Variants in RSL1D1 observed in about 807,000 individuals in gnomAD.
RSL1D1 encodes ribosomal L1 domain containing 1, also known as ribosomal L1 domain-containing protein 1.
RSL1D1 carries 34 observed loss-of-function variants against 44.6 expected under a neutral mutation model. That is an observed-to-expected ratio of 0.76 (90% confidence interval 0.58 to 1.02). RSL1D1 has a LOEUF of 1.02. RSL1D1 is among the 50% of genes least tolerant of loss of function. The pLI is 0.00. For missense variants in RSL1D1, 767 were observed against 568.1 expected, an observed-to-expected ratio of 1.35 and a Z score of -3.56; for synonymous variants, 271 against 207.4, an observed-to-expected ratio of 1.31 and a Z score of -2.63.
rs985144837 is a variant in RSL1D1 at position 11,834,347 on chromosome 16, T to C, written c.*3440A>G. On this transcript the variant is annotated 3_prime_UTR_variant, in exon 9 of 9. Coordinates refer to ENST00000571133, the MANE Select transcript of RSL1D1 (RefSeq NM_015659.3). The stretch of plus-strand genomic sequence containing the variant: ...ATTATAAGATAGGTTTTATGTTAGA[T>C]GATAACACCAGCATCTTGCTCAATA... 6.6e-6 allele frequency: 1 copy of C among 152,224 alleles called. No individual in the cohort carries two copies. Among genetic ancestry groups the C allele is most frequent in the Non-Finnish European group, 1.5e-5 (1 of 68,036 alleles). The allele number at this position is 152,224 out of a possible 1,614,324, so 9.4% of individuals were successfully genotyped here. A position where few individuals can be genotyped will look rare whatever the true frequency, so the allele number is the denominator to read the frequency against.
At chr16:11,850,661 G>A (rs1202449063) in intron 1 of RSL1D1, among the ~76,000 whole-genome samples, 3 of 152,150 alleles carry the variant, frequency 2.0e-5, no homozygotes, top group Non-Finnish European at 4.4e-5. Context: ...ACTGTGTGCA[G>A]AAGGGCACCT....
chr16:11,846,199 T>C (rs1001601081), intron 5 of RSL1D1, among the ~76,000 whole-genome samples: 4 of 151,540 alleles, frequency 2.6e-5, no homozygotes, highest in African/African-American at 9.7e-5. Flanking sequence ...GAGATCATCC[T>C]GGCTAACTCG....
chr16:11,839,334 C>G (rs888120896), intron 8 of RSL1D1, among the ~76,000 whole-genome samples: 1 of 148,258 alleles, frequency 6.7e-6, no homozygotes, highest in Non-Finnish European at 1.5e-5. Context: ...CCACTGCACT[C>G]TAGCCTGGGT....
intron 2 of RSL1D1, among the ~76,000 whole-genome samples, chr16:11,849,745 G>A (rs2053823901): frequency 2.0e-5 from 3 of 152,134 alleles, no homozygotes; most frequent in African/African-American, 7.2e-5. Flanking sequence ...CCACGTTTTC[G>A]ATTCAACAGA....
intron 5 of RSL1D1, among the ~76,000 whole-genome samples, chr16:11,846,229 A>C (rs1164269391): frequency 6.6e-6 from 1 of 151,286 alleles, no homozygotes; most frequent in Non-Finnish European, 1.5e-5. Flanking sequence ...TGTCTCTACT[A>C]AAAATACAAA....
rs2141254464 is a variant in RSL1D1, at chr16:11,846,763, G to C, written c.465C>G (p.Phe155Leu). The change falls in exon 4 of 9, where the codon TTC (phenylalanine) becomes TTG (leucine). Residue 155 changes from phenylalanine to leucine, a missense_variant. By Grantham distance (22) the Phe-to-Leu change is conservative. Transcript: ENST00000571133. ...KLRLLSSFDF[F>L]LTDARIRRLL... ...GCCGCCTAATTCTGGCATCAGTAAGGAAGAAATCAAAACTGCTCAGAAGGC... is the reference window on the plus strand; with the variant it reads ...GCCGCCTAATTCTGGCATCAGTAAGCAAGAAATCAAAACTGCTCAGAAGGC... The C allele has an allele frequency of 6.2e-7, 1 of 1,613,856 alleles. No individual in the cohort carries two copies. The highest frequency in any genetic ancestry group is 8.5e-7 in the Non-Finnish European group (1 of 1,179,828).
rs1371015086 is a variant in RSL1D1 at position 11,836,019 on chromosome 16, A to T, written c.*1768T>A. The T allele has an allele frequency of 1.3e-5, 2 of 152,128 alleles. No homozygotes were observed. The highest frequency in any genetic ancestry group is 4.8e-5 in the African/African-American group (2 of 41,432). The allele number at this position is 152,128 out of a possible 1,614,324, so 9.4% of individuals were successfully genotyped here. A position where few individuals can be genotyped will look rare whatever the true frequency, so the allele number is the denominator to read the frequency against. ...CTTGCTGGCTCCTTGCTCTCCCAGG[A>T]TCGACTGTAACTTGAGTTAAAAGAA... On this transcript the variant is annotated 3_prime_UTR_variant, in exon 9 of 9. Transcript: ENST00000571133.
In RSL1D1 at chr16:11,846,615, C is replaced by A. The variant is rs1480118289; in HGVS notation, c.534-13G>T. The A allele has an allele frequency of 6.2e-7, 1 of 1,606,842 alleles. No homozygotes were observed. The highest frequency in any genetic ancestry group is 2.2e-5 in the East Asian group (1 of 44,854). On this transcript the variant is annotated splice_polypyrimidine_tract_variant and intron_variant, in intron 4 of 8. Coordinates refer to ENST00000571133, the MANE Select transcript of RSL1D1 (RefSeq NM_015659.3). Reference sequence around the variant, plus strand: ...AGATACTGGAACTCTACAAAATAAACACACAGGCATTCAGAACACAATGCA... The same window carrying A: ...AGATACTGGAACTCTACAAAATAAAAACACAGGCATTCAGAACACAATGCA...
intron 6 of RSL1D1, 35 bp downstream of exon 6, chr16:11,841,872 A>G (rs2053765981): frequency 6.2e-7 from 1 of 1,611,648 alleles, no homozygotes; most frequent in African/African-American, 1.3e-5. Context: ...TTTCTTTTAA[A>G]TGAACAATCA....
chr16:11,839,906 G>A lies in RSL1D1; in HGVS notation c.935C>T (p.Thr312Ile). Residue 312 changes from threonine (T) to isoleucine (I), a missense_variant, in exon 8 of 9, where the codon ACT (threonine) becomes ATT (isoleucine). Physicochemically the swap from Thr to Ile is moderately conservative, Grantham distance 89. Coordinates refer to ENST00000571133, the MANE Select transcript of RSL1D1 (RefSeq NM_015659.3). Reference sequence around the variant, plus strand: ...ATCATCTTTACTAAGAACTGATGCAGTCTTCCTAGCCTGCTGCCTCTTCTT... The same window carrying A: ...ATCATCTTTACTAAGAACTGATGCAATCTTCCTAGCCTGCTGCCTCTTCTT... ...RKKKRQQARKTASVLSKDDVA... is the reference protein window; with the variant it reads ...RKKKRQQARKIASVLSKDDVA... 1 of 1,614,096 alleles carries A rather than the reference G, an allele frequency of 6.2e-7. No individual in the cohort carries two copies. The highest frequency in any genetic ancestry group is 8.5e-7 in the Non-Finnish European group (1 of 1,180,034).
rs1166243214 is a variant in RSL1D1, at chr16:11,833,918, C to T, written c.*3869G>A. The T allele has an allele frequency of 6.6e-6, 1 of 152,180 alleles. No homozygotes were observed. The highest frequency in any genetic ancestry group is 2.4e-5 in the African/African-American group (1 of 41,434). 9.4% of individuals were successfully genotyped at this position (152,180 alleles called of 1,614,324 possible). On this transcript the variant is annotated 3_prime_UTR_variant, in exon 9 of 9. Coordinates refer to ENST00000571133, the MANE Select transcript of RSL1D1 (RefSeq NM_015659.3). ...CAAATGAACTAAAACTCAATTACTT[C>T]CTTCAGAACAAAAACGTTACACTCA...
intron 3 of RSL1D1, 127 bp downstream of exon 3, chr16:11,847,541 C>T: frequency 1.2e-6 from 1 of 831,076 alleles, no homozygotes; most frequent in Non-Finnish European, 1.9e-6. Context: ...GTACACGCCA[C>T]CACAAATTAA....
chr16:11,840,531 G>A (rs1474404519), intron 7 of RSL1D1, among the ~76,000 whole-genome samples: 1 of 152,182 alleles, frequency 6.6e-6, no homozygotes, highest in Non-Finnish European at 1.5e-5. Context: ...TCATGCCACT[G>A]CACTTCAGCC....
chr16:11,843,408 A>T (rs565716769), intron 5 of RSL1D1, among the ~76,000 whole-genome samples: 43 of 151,960 alleles, frequency 2.8e-4, no homozygotes, highest in African/African-American at 1.0e-3. Flanking sequence ...CCTGACTGTG[A>T]GGTTAGGCGC....
At chr16:11,843,179 C>T (rs1015070731) in intron 5 of RSL1D1, among the ~76,000 whole-genome samples, 6 of 151,428 alleles carry the variant, frequency 4.0e-5, no homozygotes, top group Admixed American at 6.6e-5. Context: ...AGGTGATCCG[C>T]CTGCCTCGGC....
rs2053836896 is a variant in RSL1D1, at chr16:11,851,429, C to T, written c.84G>A (p.Arg28=). The stretch of plus-strand genomic sequence containing the variant: ...TCACCTGTTCTTTATCCAGCTGCTT[C>T]CGTGCTGTCGGGGCCGCTGGAGTCG... ...STSTPAAPTA[R]KQLDKEQVRK... Residue 28 remains arginine (R), a synonymous_variant, in exon 1 of 9, where the codon CGG becomes CGA. Transcript: ENST00000571133. 1 of 1,614,140 alleles carries T rather than the reference C, an allele frequency of 6.2e-7. No homozygotes were observed. Among genetic ancestry groups the T allele is most frequent in the African/African-American group, 1.3e-5 (1 of 75,064 alleles).
In RSL1D1 at chr16:11,837,756, T is replaced by A; in HGVS notation, c.*31A>T. On this transcript the variant is annotated 3_prime_UTR_variant, in exon 9 of 9. Transcript: ENST00000571133. ...TTTCCAAAAAGCTCTGGAGGCAGCA[T>A]TGAGGTTTCCTTCCAGTTGAATCAC... 6.4e-7 allele frequency: 1 copy of A among 1,558,014 alleles called. No homozygotes were observed.
chr16:11,849,258 C>T (rs1328860494), intron 2 of RSL1D1: 1 of 152,114 alleles, frequency 6.6e-6, no homozygotes, highest in Non-Finnish European at 1.5e-5. Flanking sequence ...TGGTGTGCAC[C>T]TGTAGTCCCA....
At chr16:11,845,150 T>C (rs1026180478) in intron 5 of RSL1D1, among the ~76,000 whole-genome samples, 10 of 152,144 alleles carry the variant, frequency 6.6e-5, no homozygotes, top group African/African-American at 2.4e-4. Flanking sequence ...GGTAATATGG[T>C]GCTTTTAAAG....
Sources: allele counts gnomAD v4.1 joint callset (sites outside exome capture counted in the v4.1 genomes callset), GRCh38; gene constraint gnomAD v4.1.1; transcripts MANE v1.5; gene names NCBI Gene and HGNC (gene_info 2026-07-23, HGNC 2026-07-21).